The following LGR6 variants were observed in gnomAD, a reference collection of about 807,000 sequenced individuals.
LGR6 encodes leucine-rich repeat-containing G protein-coupled receptor 6.
Under a neutral mutation model 69.4 loss-of-function variants are expected in LGR6, and 45 were observed. The ratio of observed to expected loss-of-function variants is 0.65; its 90% confidence interval spans 0.51 to 0.83. The LOEUF (loss-of-function observed/expected upper bound fraction) is 0.83. LGR6 is among the 40% of genes least tolerant of loss of function. The pLI, the probability that LGR6 is intolerant of heterozygous loss-of-function variation, is 0.00. For synonymous variants in LGR6, 538 were observed against 555.0 expected (o/e 0.97, Z 0.43); for missense variants, 1,108 against 1,246.7 (o/e 0.89, Z 1.68).
chr1:202,230,525 A>G (rs1660937826), intron 3 of LGR6, among the ~76,000 whole-genome samples: 1 of 152,200 alleles, frequency 6.6e-6, no homozygotes, highest in Non-Finnish European at 1.5e-5. Flanking sequence ...CCTCTGCCCT[A>G]GGCATGTGGG....
intron 3 of LGR6, among the ~76,000 whole-genome samples, chr1:202,229,793 G>C (rs559687724): frequency 2.0e-5 from 3 of 152,226 alleles, no homozygotes; most frequent in South Asian, 4.2e-4. Flanking sequence ...AAGATCACCT[G>C]GTCCCCCAAA....
At chr1:202,243,699 T>G (rs1329722420) in intron 4 of LGR6, among the ~76,000 whole-genome samples, 3 of 152,072 alleles carry the variant, frequency 2.0e-5, no homozygotes, top group Non-Finnish European at 2.9e-5. Context: ...TGACTGACCT[T>G]ACCACTCACA....
At chr1:202,205,716 C>T (rs1363073003) in intron 1 of LGR6, among the ~76,000 whole-genome samples, 1 of 148,416 alleles carries the variant, frequency 6.7e-6, no homozygotes, top group African/African-American at 2.5e-5. Context: ...ACCCCTAACA[C>T]ACACACCTTC....
chr1:202,220,094 G>T (rs2147937432), intron 1 of LGR6, among the ~76,000 whole-genome samples: 1 of 152,190 alleles, frequency 6.6e-6, no homozygotes, highest in African/African-American at 2.4e-5. Flanking sequence ...TGGCCAGGCT[G>T]GTCTCGAACT....
chr1:202,226,059 G>A (rs1471978889), intron 2 of LGR6, among the ~76,000 whole-genome samples: 1 of 152,134 alleles, frequency 6.6e-6, no homozygotes, highest in East Asian at 1.9e-4. Context: ...TACAGTTAAG[G>A]CCCATTTCCT....
chr1:202,208,903 G>C (rs552851385), intron 1 of LGR6, among the ~76,000 whole-genome samples: 1 of 152,250 alleles, frequency 6.6e-6, no homozygotes, highest in East Asian at 1.9e-4. Context: ...TGGCCCTAGA[G>C]CCATAGGGGT....
intron 9 of LGR6, among the ~76,000 whole-genome samples, chr1:202,302,789 C>T (rs1220839831): frequency 1.3e-5 from 2 of 152,042 alleles, no homozygotes; most frequent in African/African-American, 4.8e-5. Context: ...TCAGGTGATC[C>T]GCCCGCCTCG....
chr1:202,205,080 C>T (rs1571808140), intron 1 of LGR6, among the ~76,000 whole-genome samples: 7 of 117,692 alleles, frequency 5.9e-5, no homozygotes, highest in South Asian at 3.0e-4. Context: ...CACACACCTC[C>T]TCCACACACA....
At chr1:202,308,410 C>T (rs1653437453) in intron 14 of LGR6, among the ~76,000 whole-genome samples, 1 of 152,192 alleles carries the variant, frequency 6.6e-6, no homozygotes, top group African/African-American at 2.4e-5. Flanking sequence ...TTCCTGCCTT[C>T]CAGTCCAGGG....
intron 1 of LGR6, among the ~76,000 whole-genome samples, chr1:202,212,968 C>T (rs1302892599): frequency 6.6e-6 from 1 of 152,186 alleles, no homozygotes; most frequent in African/African-American, 2.4e-5. Flanking sequence ...CCCTGACCCA[C>T]AGGTACTTGA....
At chr1:202,236,714 A>G (rs1223741265) in intron 4 of LGR6, among the ~76,000 whole-genome samples, 2 of 152,180 alleles carry the variant, frequency 1.3e-5, no homozygotes, top group African/African-American at 4.8e-5. Context: ...ATCAGGTACA[A>G]CTTCATCCGA....
intron 7 of LGR6, among the ~76,000 whole-genome samples, chr1:202,298,231 A>C (rs1667305008): frequency 1.3e-5 from 2 of 152,190 alleles, no homozygotes; most frequent in South Asian, 4.1e-4. Flanking sequence ...GTGGGAGTCC[A>C]GAGTAATGTG....
chr1:202,282,752 ATTCT>A (rs1666109720), intron 6 of LGR6, among the ~76,000 whole-genome samples: 1 of 152,194 alleles, frequency 6.6e-6, no homozygotes. Flanking sequence ...ACACTGCCTA[ATTCT>A]TTCTCAATTA....
chr1:202,306,741 C>G, intron 12 of LGR6, 127 bp from the exon 13 acceptor site: 1 of 863,370 alleles, frequency 1.2e-6, no homozygotes, highest in Non-Finnish European at 1.9e-6. Flanking sequence ...CTTCCTCGGG[C>G]TGGGCCCTTT....
intron 16 of LGR6, among the ~76,000 whole-genome samples, chr1:202,313,608 T>G (rs914381972): frequency 6.6e-6 from 1 of 152,196 alleles, no homozygotes; most frequent in East Asian, 1.9e-4. Context: ...AATGGGACCA[T>G]GAAGATGAGG....
At chr1:202,283,555 C>T (rs570198526) in intron 6 of LGR6, among the ~76,000 whole-genome samples, 19 of 152,320 alleles carry the variant, frequency 1.2e-4, no homozygotes, top group African/African-American at 3.6e-4. Flanking sequence ...CAAACCCCTG[C>T]GGCCCAAGCT....
intron 6 of LGR6, among the ~76,000 whole-genome samples, chr1:202,287,790 C>G (rs897934413): frequency 3.3e-5 from 5 of 152,212 alleles, no homozygotes; most frequent in Non-Finnish European, 4.4e-5. Context: ...CTGACCACGT[C>G]TCACCCCTTC....
chr1:202,210,590 A>G (rs1027958562), intron 1 of LGR6: 1 of 152,176 alleles, frequency 6.6e-6, no homozygotes, highest in Non-Finnish European at 1.5e-5. Flanking sequence ...TGCGGTGAGG[A>G]TGGAGCCGCA....
intron 4 of LGR6, among the ~76,000 whole-genome samples, chr1:202,274,909 G>A (rs891315992): frequency 1.5e-4 from 23 of 152,200 alleles, no homozygotes; most frequent in African/African-American, 5.6e-4. Context: ...CCTGGTGAAT[G>A]TGCTTTCACA....
Sources: gnomAD v4.1 joint callset for allele counts (sites outside exome capture counted in the v4.1 genomes callset) on GRCh38, gnomAD v4.1.1 for gene constraint, MANE v1.5 for transcripts, NCBI Gene and HGNC (gene_info 2026-07-23, HGNC 2026-07-21) for gene names.